Variants in PARG observed in about 807,000 individuals in gnomAD.
PARG encodes the protein poly(ADP-ribose) glycohydrolase.
Under a neutral mutation model 113.0 loss-of-function variants are expected in PARG, and 35 were observed. The observed-to-expected ratio is 0.31, with a 90% CI of 0.24 to 0.41. PARG has a LOEUF of 0.41. Among genes scored for constraint, PARG ranks in the 10% least tolerant of loss-of-function variants. The probability of loss-of-function intolerance (pLI) is 1.00; values close to 1 mark genes in which losing one functional copy is unlikely to be tolerated. For synonymous variants in PARG, 330 were observed against 409.9 expected, an observed-to-expected ratio of 0.81 and a Z score of 2.36; for missense variants, 797 against 1,169.4, an observed-to-expected ratio of 0.68 and a Z score of 4.64.
rs1450623160 is a variant in PARG at position 49,850,828 on chromosome 10, TACAA to T, written c.2353+6474_2353+6477del. ...CTTCATGGGAAATAAAAAATACACATACAAACACTTTTGTACTAAACAAGTTAAA... is the reference window on the plus strand; with the variant it reads ...CTTCATGGGAAATAAAAAATACACATACACTTTTGTACTAAACAAGTTAAA... On this transcript the variant is annotated intron_variant, in intron 13 of 17. Transcript: ENST00000616448. 3.3e-5 allele frequency among the ~76,000 whole-genome samples: 5 copies of T among 152,028 alleles called. No individual in the cohort carries two copies. In the South Asian group the frequency reaches 1.0e-3, roughly 32 times the overall value.
intron 16 of PARG, among the ~76,000 whole-genome samples, chr10:49,829,664 C>T (rs1554829984): frequency 6.6e-6 from 1 of 152,066 alleles, no homozygotes; most frequent in African/African-American, 2.4e-5. Flanking sequence ...CCCAACAAAA[C>T]AAAACAAAGA....
At chr10:49,821,695 T>C (rs1253284757) in intron 16 of PARG, among the ~76,000 whole-genome samples, 1 of 152,168 alleles carries the variant, frequency 6.6e-6, no homozygotes, top group Non-Finnish European at 1.5e-5. Context: ...GGGTATCTTT[T>C]TACAGTTTTG....
At chr10:49,822,532 G>A (rs2132346983) in intron 16 of PARG, among the ~76,000 whole-genome samples, 1 of 152,338 alleles carries the variant, frequency 6.6e-6, no homozygotes, top group South Asian at 2.1e-4. Flanking sequence ...ACAGGAGAAA[G>A]CCAAAGACTA....
intron 16 of PARG, among the ~76,000 whole-genome samples, chr10:49,821,987 C>A (rs529994389): frequency 6.6e-6 from 1 of 152,174 alleles, no homozygotes; most frequent in African/African-American, 2.4e-5. Context: ...ATTCCCAACT[C>A]TTTTTACAAG....
At chr10:49,821,097 C>A (rs985518351) in intron 16 of PARG, among the ~76,000 whole-genome samples, 18 of 152,112 alleles carry the variant, frequency 1.2e-4, no homozygotes, top group Non-Finnish European at 1.9e-4. Context: ...CCACTGGCCA[C>A]TGCAGAACTC....
At chr10:49,919,494 T>C (rs1554848598) in intron 6 of PARG, among the ~76,000 whole-genome samples, 1 of 152,200 alleles carries the variant, frequency 6.6e-6, no homozygotes. Flanking sequence ...GCTGTCCTAC[T>C]ATACACCACA....
chr10:49,828,122 A>AAAAAAC (rs1844464052), intron 16 of PARG, among the ~76,000 whole-genome samples: 1 of 141,606 alleles, frequency 7.1e-6, no homozygotes, highest in Non-Finnish European at 1.5e-5. Flanking sequence ...AAAAAAAAAA[A>AAAAAAC]GCTCCTTCTA....
intron 8 of PARG, among the ~76,000 whole-genome samples, chr10:49,880,947 G>C (rs1847184810): frequency 6.6e-6 from 1 of 152,196 alleles, no homozygotes; most frequent in Non-Finnish European, 1.5e-5. Context: ...TGTCTGTTGG[G>C]AAAATGTACA....
chr10:49,834,731 T>C (rs901422170), intron 15 of PARG, among the ~76,000 whole-genome samples: 2 of 152,038 alleles, frequency 1.3e-5, no homozygotes, highest in Admixed American at 1.3e-4. Flanking sequence ...TGTCACCTAC[T>C]TGGGAGGCTG....
At chr10:49,912,256 T>C (rs1334269674) in intron 7 of PARG, among the ~76,000 whole-genome samples, 1 of 151,926 alleles carries the variant, frequency 6.6e-6, no homozygotes, top group Non-Finnish European at 1.5e-5. Context: ...GCCGAGATCA[T>C]GCCATTGCAC....
intron 13 of PARG, among the ~76,000 whole-genome samples, chr10:49,845,988 C>A (rs1554833251): frequency 6.6e-6 from 1 of 150,916 alleles, no homozygotes; most frequent in Non-Finnish European, 1.5e-5. Context: ...CACAGCAATA[C>A]CCGAATTAGT....
At chr10:49,819,970 C>G (rs139748695) in intron 17 of PARG, among the ~76,000 whole-genome samples, 195 bp downstream of exon 17, 2 of 152,278 alleles carry the variant, frequency 1.3e-5, no homozygotes, top group Non-Finnish European at 2.9e-5. Context: ...TATACCCTAT[C>G]AAGACTGTGG....
At chr10:49,893,082 C>T (rs1453758526) in intron 7 of PARG, among the ~76,000 whole-genome samples, 2 of 152,040 alleles carry the variant, frequency 1.3e-5, no homozygotes, top group African/African-American at 4.8e-5. Context: ...TTTCATATCT[C>T]ATAGGTAGGT....
intron 1 of PARG, among the ~76,000 whole-genome samples, chr10:49,941,155 T>C (rs1192846506): frequency 1.3e-5 from 2 of 152,176 alleles, no homozygotes; most frequent in African/African-American, 4.8e-5. Context: ...ACAAGTGAAG[T>C]TGTTTTCTTC....
intron 2 of PARG, among the ~76,000 whole-genome samples, chr10:49,934,842 C>A (rs1838671700): frequency 1.3e-5 from 2 of 151,034 alleles, no homozygotes; most frequent in African/African-American, 4.9e-5. Context: ...GAGTGAGACT[C>A]CATCTCAAAA....
chr10:49,857,493 T>C (rs1554835279), intron 12 of PARG, 40 bp from the exon 13 acceptor site: 1 of 1,511,234 alleles, frequency 6.6e-7, no homozygotes, highest in East Asian at 2.3e-5. Flanking sequence ...TGGTCAAAAA[T>C]ACCTACACAT....
intron 16 of PARG, among the ~76,000 whole-genome samples, chr10:49,832,561 T>C (rs1288177421): frequency 3.9e-5 from 6 of 152,136 alleles, no homozygotes; most frequent in Admixed American, 6.6e-5. Context: ...TGCCAATCTT[T>C]CAATACTCAA....
intron 15 of PARG, among the ~76,000 whole-genome samples, chr10:49,840,278 C>T (rs1845161285): frequency 6.6e-6 from 1 of 151,874 alleles, no homozygotes; most frequent in South Asian, 2.1e-4. Flanking sequence ...CTCCTAGCTA[C>T]TCAGGAGGCT....
At chr10:49,902,211 A>G (rs1366605636) in intron 7 of PARG, among the ~76,000 whole-genome samples, 4 of 152,216 alleles carry the variant, frequency 2.6e-5, no homozygotes, top group Non-Finnish European at 5.9e-5. Flanking sequence ...CTTTTTGTTT[A>G]GAGGTTCTAA....
Sources: allele counts gnomAD v4.1 joint callset (sites outside exome capture counted in the v4.1 genomes callset), GRCh38; gene constraint gnomAD v4.1.1; transcripts MANE v1.5; gene names NCBI Gene and HGNC (gene_info 2026-07-23, HGNC 2026-07-21).